The following PRKX variants were observed in gnomAD, a reference collection of about 807,000 sequenced individuals.
PRKX encodes cAMP-dependent protein kinase catalytic subunit PRKX.
Under a neutral mutation model 22.0 loss-of-function variants are expected in PRKX, and 12 were observed. That is an observed-to-expected ratio of 0.54 (90% CI 0.35 to 0.88). The LOEUF (loss-of-function observed/expected upper bound fraction) is 0.88, where lower values mean the gene tolerates loss of function less well. Among genes scored for constraint, PRKX ranks in the 40% least tolerant of loss-of-function variants. The pLI is 0.01. For missense variants in PRKX, 217 were observed against 308.0 expected, an observed-to-expected ratio of 0.70 and a Z score of 2.21; for synonymous variants, 134 against 137.7, an observed-to-expected ratio of 0.97 and a Z score of 0.19.
At chrX:3,691,408 T>C (rs1194519000) in intron 1 of PRKX, among the ~76,000 whole-genome samples, 1 of 61,455 alleles carries the variant, frequency 1.6e-5, no homozygotes, top group Non-Finnish European at 3.5e-5. Flanking sequence ...GTTAGTATTC[T>C]CTCTTAACCC....
intron 6 of PRKX, among the ~76,000 whole-genome samples, chrX:3,617,220 T>G (rs1243819643): frequency 1.9e-5 from 2 of 106,319 alleles, no homozygotes; most frequent in African/African-American, 6.7e-5. Context: ...CGTTAATATA[T>G]ACACATGTAT....
intron 2 of PRKX, chrX:3,668,054 G>A (rs1927772654): frequency 9.0e-6 from 1 of 111,406 alleles, no homozygotes; most frequent in East Asian, 2.8e-4. Flanking sequence ...GCACTGGAAG[G>A]CTTGGCATCA....
At chrX:3,638,697 TAGAC>T (rs776074888) in intron 4 of PRKX, among the ~76,000 whole-genome samples, 5 of 111,106 alleles carry the variant, frequency 4.5e-5, no homozygotes, top group Admixed American at 9.7e-5. Context: ...GATAGCTAGA[TAGAC>T]AGAAAGGTAG....
chrX:3,640,145 G>C (rs1304008880), intron 4 of PRKX, among the ~76,000 whole-genome samples: 1 of 109,579 alleles, frequency 9.1e-6, no homozygotes, highest in Non-Finnish European at 1.9e-5. Context: ...AGGATACGCT[G>C]GTGTCTGTCT....
chrX:3,706,763 G>C (rs1410641649), intron 1 of PRKX, among the ~76,000 whole-genome samples: 1 of 111,986 alleles, frequency 8.9e-6, no homozygotes, highest in East Asian at 2.8e-4. Context: ...TCCCGGGGAG[G>C]AGGCAGCGTG....
chrX:3,705,350 A>G (rs1569065760), intron 1 of PRKX, among the ~76,000 whole-genome samples: 1 of 111,504 alleles, frequency 9.0e-6, no homozygotes, highest in Non-Finnish European at 1.9e-5. Context: ...CACCTCCTAA[A>G]AGCCCCACCT....
At chrX:3,646,835 T>G (rs867513760) in intron 3 of PRKX, among the ~76,000 whole-genome samples, 14 of 110,913 alleles carry the variant, frequency 1.3e-4, no homozygotes, top group African/African-American at 4.6e-4. Context: ...GCCCAGGCCC[T>G]GGGAGGGGTT....
chrX:3,659,768 G>C (rs1320305457), intron 2 of PRKX, among the ~76,000 whole-genome samples: 2 of 97,565 alleles, frequency 2.0e-5, no homozygotes, highest in Non-Finnish European at 4.1e-5. Context: ...CTGTCACCCA[G>C]GCTTGGAGTG....
At chrX:3,660,327 T>G (rs779307138) in intron 2 of PRKX, among the ~76,000 whole-genome samples, 16 of 111,876 alleles carry the variant, frequency 1.4e-4, no homozygotes, top group African/African-American at 5.2e-4. Context: ...TACTGAACAT[T>G]TGGGGGTAAC....
intron 1 of PRKX, among the ~76,000 whole-genome samples, chrX:3,682,199 T>C (rs1281467067): frequency 9.1e-6 from 1 of 110,378 alleles, no homozygotes; most frequent in Admixed American, 9.7e-5. Flanking sequence ...TCACGGATGA[T>C]CTCAGACACC....
At position 3,686,603 on chromosome X, in the gene PRKX, G is replaced by T. The variant is rs749181108; in HGVS notation, c.167-11837C>A. On this transcript the variant is annotated intron_variant, in intron 1 of 8. Transcript: ENST00000262848. ...GACAGAGTCTCATTCTGTCACCCAG[G>T]CTGGAGTTCAGTGGCGCGATCTCAG... Among the ~76,000 whole-genome samples the T allele has an allele frequency of 7.3e-5, 8 of 109,135 alleles. No homozygotes were observed. In the South Asian group the frequency reaches 3.3e-3, roughly 45 times the overall value. The allele number at this position is 109,135 out of a possible 115,157, so 94.8% of individuals were successfully genotyped here. A position where few individuals can be genotyped will look rare whatever the true frequency, so the allele number is the denominator to read the frequency against.
rs770289318 is a variant in PRKX at position 3,622,209 on chromosome X, G to A, written c.816-893C>T. On this transcript the variant is annotated intron_variant, in intron 5 of 8. Transcript: ENST00000262848. ...ACAGCAAGCTGCTTCAATTAGGATG[G>A]GTAGTTGGAGATGATGTTGAAGACT... Among the ~76,000 whole-genome samples the A allele has an allele frequency of 3.6e-5, 4 of 110,523 alleles. No homozygotes were observed. In the East Asian group the frequency reaches 8.5e-4, roughly 24 times the overall value.
intron 2 of PRKX, among the ~76,000 whole-genome samples, chrX:3,657,735 G>GGGAGCTTGCC (rs972673564): frequency 5.4e-5 from 6 of 111,557 alleles, no homozygotes; most frequent in African/African-American, 2.0e-4. Context: ...ACTTGCTTGT[G>GGGAGCTTGCC]GGAGCTTGCC....
intron 1 of PRKX, among the ~76,000 whole-genome samples, chrX:3,684,102 T>C (rs977699731): frequency 1.8e-5 from 2 of 110,071 alleles, no homozygotes; most frequent in Non-Finnish European, 3.8e-5. Flanking sequence ...AATACAAAAA[T>C]TAGCCGGGTG....
intron 3 of PRKX, among the ~76,000 whole-genome samples, chrX:3,650,365 C>CA (rs1330428969): frequency 9.4e-6 from 1 of 106,013 alleles, no homozygotes; most frequent in Non-Finnish European, 1.9e-5. Flanking sequence ...ACTAAAAACA[C>CA]AAAAAATTAG....
intron 1 of PRKX, among the ~76,000 whole-genome samples, chrX:3,695,633 A>G (rs1928429027): frequency 9.0e-6 from 1 of 111,218 alleles, no homozygotes; most frequent in Non-Finnish European, 1.9e-5. Flanking sequence ...GCTGGTCTCA[A>G]ACTTCTGGGC....
At chrX:3,634,830 T>C (rs1715180500) in intron 4 of PRKX, among the ~76,000 whole-genome samples, 1 of 110,922 alleles carries the variant, frequency 9.0e-6, no homozygotes. Flanking sequence ...ACTGGGACCC[T>C]GGGCGTGTAC....
chrX:3,671,384 C>T (rs754771181), intron 2 of PRKX, among the ~76,000 whole-genome samples: 3 of 111,555 alleles, frequency 2.7e-5, no homozygotes, highest in South Asian at 7.7e-4. Flanking sequence ...TGTGAGCCAC[C>T]GAGCTCGGCC....
rs1928157276 is a variant in PRKX, at chrX:3,685,332, CTT to C, written c.167-10568_167-10567del. Reference sequence around the variant, plus strand: ...TACTTTCTTCCTTCCCTCCTTCTCTCTTTCTCTCCTTCCTACTTTTTTCCTTC... The same window carrying C: ...TACTTTCTTCCTTCCCTCCTTCTCTCTCTCTCCTTCCTACTTTTTTCCTTC... On this transcript the variant is annotated intron_variant, in intron 1 of 8. Transcript: ENST00000262848. Among the ~76,000 whole-genome samples, 3 of 100,303 alleles carry C rather than the reference CTT, an allele frequency of 3.0e-5. No homozygotes were observed. In the Admixed American group the frequency reaches 3.2e-4, roughly 11 times the overall value. 87.1% of individuals were successfully genotyped at this position (100,303 alleles called of 115,157 possible).
Sources: gnomAD v4.1 joint callset for allele counts (sites outside exome capture counted in the v4.1 genomes callset) on GRCh38, gnomAD v4.1.1 for gene constraint, MANE v1.5 for transcripts, NCBI Gene and HGNC (gene_info 2026-07-23, HGNC 2026-07-21) for gene names.